Variants in TGS1 observed in about 807,000 individuals in gnomAD.
TGS1 encodes trimethylguanosine synthase.
A neutral mutation model predicts 92.2 loss-of-function variants in TGS1; 69 were observed. The observed-to-expected ratio is 0.75, with a 90% CI of 0.62 to 0.91. The LOEUF is 0.91. Among genes scored for constraint, TGS1 ranks in the 40% least tolerant of loss-of-function variants. The pLI is 0.00. For missense variants in TGS1, 1,062 were observed against 1,001.2 expected, an observed-to-expected ratio of 1.06 and a Z score of -0.82; for synonymous variants, 345 against 338.1, an observed-to-expected ratio of 1.02 and a Z score of -0.22.
chr8:55,813,543 A>G (rs11992241), intron 12 of TGS1, among the ~76,000 whole-genome samples: 2,042 of 152,316 alleles, frequency 0.013, 40 homozygotes, highest in African/African-American at 0.047. Context: ...GCTTTGTGCC[A>G]GATACTCTTG....
chr8:55,823,479 T>G (rs1394368803), intron 12 of TGS1, among the ~76,000 whole-genome samples: 2 of 152,116 alleles, frequency 1.3e-5, no homozygotes, highest in East Asian at 3.9e-4. Flanking sequence ...GAGCAATATA[T>G]TTTTACCACA....
Position 55,790,198 on chromosome 8 carries a change from AG to A in TGS1, c.1181del (p.Gly394GlufsTer31). 6.2e-7 allele frequency: 1 copy of A among 1,613,942 alleles called. No homozygotes were observed. Among genetic ancestry groups the A allele is most frequent in the Non-Finnish European group, 8.5e-7 (1 of 1,179,810 alleles). ...CCTCTTTAGATTCACAGAAGTCTTCAGGAGCAAACACAAGCAAAGACAGACC... is the reference window on the plus strand; with the variant it reads ...CCTCTTTAGATTCACAGAAGTCTTCAGAGCAAACACAAGCAAAGACAGACC... ...PPAEDSQKSS[G>X]ANTSKDRPHA... On this transcript the variant is annotated frameshift_variant, in exon 5 of 13. Transcript: ENST00000260129. LOFTEE classifies it high-confidence loss of function.
At position 55,786,762 on chromosome 8, in the gene TGS1, G is replaced by A; in HGVS notation, c.864G>A (p.Met288Ile). ...ATGACAAGAACGATGAAAAATGCAT[G>A]AAAGTTGACTTAGTATCTTTTCCAT... ...EADDKNDEKC[M>I]KVDLVSFPSS... Residue 288 changes from methionine to isoleucine, a missense_variant, in exon 4 of 13, where the codon ATG becomes ATA. Met to Ile is a conservative substitution (Grantham distance 10). Transcript: ENST00000260129. The A allele has an allele frequency of 6.2e-7, 1 of 1,614,138 alleles. No individual in the cohort carries two copies. The highest frequency in any genetic ancestry group is 8.5e-7 in the Non-Finnish European group (1 of 1,180,018).
Position 55,824,647 on chromosome 8 carries a change from A to T in TGS1, c.2506A>T (p.Lys836Ter). Residue 836 changes from lysine (K) to a stop codon, truncating the protein, a stop_gained, in exon 13 of 13, where the codon AAG becomes TAG. Coordinates refer to ENST00000260129, the MANE Select transcript of TGS1 (RefSeq NM_024831.8). LOFTEE classifies it high-confidence loss of function. ...IEQNFLNNKLKTITAYFGDLI... is the reference protein window; with the variant it reads ...IEQNFLNNKL ...ACAGAACTTCCTTAACAACAAATTGAAGACAATCACTGCATATTTTGGTGA... is the reference window on the plus strand; with the variant it reads ...ACAGAACTTCCTTAACAACAAATTGTAGACAATCACTGCATATTTTGGTGA... 6.2e-7 allele frequency: 1 copy of T among 1,614,244 alleles called. No individual in the cohort carries two copies. The highest frequency in any genetic ancestry group is 8.5e-7 in the Non-Finnish European group (1 of 1,180,038).
At chr8:55,806,362 AAAAAAAAAAAAAAAAGACAAAAG>A (rs1469570780) in intron 10 of TGS1, among the ~76,000 whole-genome samples, 1 of 146,254 alleles carries the variant, frequency 6.8e-6, no homozygotes, top group Non-Finnish European at 1.5e-5. Flanking sequence ...ACCTCAAAAA[AAAAAAAAAAAAAAAAGACAAAAG>A]AAAAAAAAAA....
intron 6 of TGS1, among the ~76,000 whole-genome samples, chr8:55,794,814 T>C (rs2130163966): frequency 6.6e-6 from 1 of 152,322 alleles, no homozygotes; most frequent in South Asian, 2.1e-4. Flanking sequence ...ATCTAAACCA[T>C]GACTGGGTTC....
At position 55,795,837 on chromosome 8, in the gene TGS1, G is replaced by C. The variant is rs1563458362; in HGVS notation, c.1368-141G>C. ...ATCAACTCTTCTGCAAGTTGAACTT[G>C]ATTTTATCATTTTCATAATTTTAAA... On this transcript the variant is annotated intron_variant, in intron 6 of 12. Coordinates refer to ENST00000260129, the MANE Select transcript of TGS1 (RefSeq NM_024831.8). 4.2e-6 allele frequency: 3 copies of C among 714,562 alleles called. No homozygotes were observed. In the East Asian group the frequency reaches 8.5e-5, roughly 20 times the overall value. The allele number at this position is 714,562 out of a possible 1,614,324, so 44.3% of individuals were successfully genotyped here.
intron 2 of TGS1, among the ~76,000 whole-genome samples, chr8:55,784,850 A>G (rs899391546): frequency 6.6e-6 from 1 of 152,194 alleles, no homozygotes; most frequent in Admixed American, 6.5e-5. Flanking sequence ...TTCTCCACGT[A>G]CCAGGGTTAC....
intron 12 of TGS1, among the ~76,000 whole-genome samples, chr8:55,820,870 C>G (rs935447392): frequency 6.6e-6 from 1 of 152,212 alleles, no homozygotes; most frequent in African/African-American, 2.4e-5. Flanking sequence ...CTCTCTTCCT[C>G]TCACAATTTA....
chr8:55,808,753 C>T (rs1021699705), intron 10 of TGS1, among the ~76,000 whole-genome samples: 1 of 152,086 alleles, frequency 6.6e-6, no homozygotes, highest in African/African-American at 2.4e-5. Flanking sequence ...AGGTGATCCA[C>T]CCAACCTCGG....
In TGS1 at chr8:55,810,930, T is replaced by G; in HGVS notation, c.2193T>G (p.Asn731Lys). The G allele has an allele frequency of 6.2e-7, 1 of 1,614,234 alleles. No homozygotes were observed. The highest frequency in any genetic ancestry group is 1.1e-5 in the South Asian group (1 of 91,086). ...TTAAGATTGCCCTTGCTCGCAATAA[T>G]GCAGAAGTTTATGGGATAGCAGATA... ...DPVKIALARN[N>K]AEVYGIADKI... Residue 731 changes from asparagine to lysine, a missense_variant, in exon 11 of 13, where the codon AAT (asparagine) becomes AAG (lysine). Coordinates refer to ENST00000260129, the MANE Select transcript of TGS1 (RefSeq NM_024831.8).
chr8:55,776,200 G>A (rs1398696000), intron 1 of TGS1, among the ~76,000 whole-genome samples: 2 of 151,892 alleles, frequency 1.3e-5, no homozygotes, highest in East Asian at 3.9e-4. Context: ...GATTGAGCAA[G>A]CAAGGGGTAC....
chr8:55,804,778 A>T (rs994665264), intron 9 of TGS1, 115 bp from the exon 10 acceptor site: 2 of 887,114 alleles, frequency 2.3e-6, no homozygotes, highest in South Asian at 4.7e-5. Flanking sequence ...TAATTTTTTA[A>T]AAAGGGAAAC....
chr8:55,802,008 C>A (rs1312313004), intron 8 of TGS1, among the ~76,000 whole-genome samples: 1 of 152,142 alleles, frequency 6.6e-6, no homozygotes. Context: ...TCCTGACTAA[C>A]ACGGTGAAAC....
intron 4 of TGS1, among the ~76,000 whole-genome samples, chr8:55,789,706 G>A (rs1452606720): frequency 1.3e-5 from 2 of 152,190 alleles, no homozygotes; most frequent in East Asian, 3.8e-4. Flanking sequence ...ACATGATTGG[G>A]ATAACATTTA....
intron 4 of TGS1, among the ~76,000 whole-genome samples, chr8:55,787,682 C>T (rs745423362): frequency 5.9e-5 from 9 of 152,134 alleles, no homozygotes; most frequent in South Asian, 4.1e-4. Context: ...AATCTGAGTA[C>T]GGTGCGATGA....
rs777614889 is a variant in TGS1 at position 55,805,014 on chromosome 8, G to T, written c.2121G>T (p.Gln707His). 6.2e-7 allele frequency: 1 copy of T among 1,613,826 alleles called. No individual in the cohort carries two copies. The highest frequency in any genetic ancestry group is 1.7e-5 in the Admixed American group (1 of 60,004). Residue 707 changes from glutamine to histidine, a missense_variant, in exon 10 of 13, where the codon CAG becomes CAT. Coordinates refer to ENST00000260129, the MANE Select transcript of TGS1 (RefSeq NM_024831.8). Reference protein sequence around the residue: ...AFCGVGGNTIQFALTGMRVIA... With the variant: ...AFCGVGGNTIHFALTGMRVIA... Reference sequence around the variant, plus strand: ...GTGGAGTTGGAGGAAATACCATTCAGTTTGCCTTAACAGGAATGAGAGGTA... The same window carrying T: ...GTGGAGTTGGAGGAAATACCATTCATTTTGCCTTAACAGGAATGAGAGGTA...
chr8:55,810,290 T>A (rs1803303249), intron 10 of TGS1, among the ~76,000 whole-genome samples: 1 of 152,244 alleles, frequency 6.6e-6, no homozygotes. Context: ...TGGAATAAAG[T>A]AAATGAAAGT....
In TGS1 at chr8:55,796,602, C is replaced by T. The variant is rs564496329; in HGVS notation, c.1542+450C>T. Among the ~76,000 whole-genome samples the T allele has an allele frequency of 5.1e-3, 779 of 151,366 alleles. 3 individuals carry two copies. The highest frequency in any genetic ancestry group is 8.6e-3 in the Admixed American group (131 of 15,222). ...ACTTGGGAAGCTGAGGCAGGAGAAT[C>T]GCCTGAACCCGGGAGGCGAAGGTTG... On this transcript the variant is annotated intron_variant, in intron 7 of 12. Transcript: ENST00000260129.
Sources: gnomAD v4.1 joint callset for allele counts (sites outside exome capture counted in the v4.1 genomes callset) on GRCh38, gnomAD v4.1.1 for gene constraint, MANE v1.5 for transcripts, NCBI Gene and HGNC (gene_info 2026-07-23, HGNC 2026-07-21) for gene names.